Variants in DOCK3 observed in about 807,000 individuals in gnomAD.
The protein encoded by DOCK3 is dedicator of cytokinesis protein 3.
A neutral mutation model predicts 265.6 loss-of-function variants in DOCK3; 60 were observed. The observed-to-expected ratio is 0.23, with a 90% CI of 0.18 to 0.28. The LOEUF is 0.28. DOCK3 is among the 10% of genes least tolerant of loss of function. DOCK3 has a pLI of 1.00. For synonymous variants in DOCK3, 881 were observed against 938.0 expected (o/e 0.94, Z 1.11); for missense variants, 1,981 against 2,594.3 (o/e 0.76, Z 5.14).
intron 21 of DOCK3, among the ~76,000 whole-genome samples, chr3:51,239,048 A>G (rs960731818): frequency 1.3e-5 from 2 of 152,148 alleles, no homozygotes; most frequent in African/African-American, 4.8e-5. Context: ...GCTTTCCACA[A>G]TGGTTGAACT....
intron 22 of DOCK3, among the ~76,000 whole-genome samples, chr3:51,249,892 A>AAGT (rs2079103918): frequency 6.7e-6 from 1 of 148,522 alleles, no homozygotes; most frequent in South Asian, 2.2e-4. Flanking sequence ...GTGTAGAAAG[A>AAGT]AGTAGACATG....
chr3:51,195,321 T>G (rs1193165824), intron 12 of DOCK3, among the ~76,000 whole-genome samples: 1 of 152,196 alleles, frequency 6.6e-6, no homozygotes, highest in Admixed American at 6.5e-5. Context: ...TTACTGGTTG[T>G]TGTGGTTTGC....
intron 3 of DOCK3, among the ~76,000 whole-genome samples, chr3:50,885,239 G>T (rs974447901): frequency 1.3e-5 from 2 of 151,844 alleles, no homozygotes; most frequent in Non-Finnish European, 1.5e-5. Context: ...TCTTTTTATT[G>T]CTGAATCATA....
intron 9 of DOCK3, among the ~76,000 whole-genome samples, chr3:51,098,239 T>C (rs1221165497): frequency 6.6e-6 from 1 of 152,166 alleles, no homozygotes; most frequent in Non-Finnish European, 1.5e-5. Context: ...GTATTTTTAT[T>C]AGAAATGGGG....
intron 3 of DOCK3, among the ~76,000 whole-genome samples, chr3:50,855,176 G>A (rs1040967667): frequency 2.0e-5 from 3 of 152,028 alleles, no homozygotes; most frequent in African/African-American, 7.2e-5. Context: ...AATGATATTG[G>A]TAATTTGATA....
At chr3:50,788,038 C>G (rs1313226139) in intron 2 of DOCK3, 13 of 738,984 alleles carry the variant, frequency 1.8e-5, no homozygotes, top group Non-Finnish European at 2.7e-5. Flanking sequence ...CTGCTCCTGT[C>G]TCCCTGAAAT....
intron 49 of DOCK3, among the ~76,000 whole-genome samples, chr3:51,369,772 G>A (rs1205290945): frequency 6.6e-6 from 1 of 152,202 alleles, no homozygotes; most frequent in African/African-American, 2.4e-5. Flanking sequence ...ATTGTAGAGG[G>A]AAGTGGAGTA....
At chr3:51,062,203 G>T (rs1025698228) in intron 5 of DOCK3, among the ~76,000 whole-genome samples, 1 of 152,110 alleles carries the variant, frequency 6.6e-6, no homozygotes, top group African/African-American at 2.4e-5. Context: ...TCACTCTTCT[G>T]CTCCAAATCT....
chr3:50,798,176 A>G (rs2042892132), intron 2 of DOCK3, among the ~76,000 whole-genome samples: 1 of 152,236 alleles, frequency 6.6e-6, no homozygotes, highest in Non-Finnish European at 1.5e-5. Context: ...TTAGTTAACA[A>G]TGCTGGAAAA....
At chr3:51,362,718 C>T (rs2086827242) in intron 49 of DOCK3, 44 bp downstream of exon 49, 3 of 1,599,778 alleles carry the variant, frequency 1.9e-6, no homozygotes, top group Non-Finnish European at 1.7e-6. Flanking sequence ...GAAGAGAGGT[C>T]TTCATCAACG....
chr3:51,282,937 A>C (rs1310725364), intron 27 of DOCK3, among the ~76,000 whole-genome samples: 9 of 152,202 alleles, frequency 5.9e-5, no homozygotes, highest in Admixed American at 2.6e-4. Flanking sequence ...AAAAATCTCC[A>C]GCAAAATACT....
chr3:50,878,715 A>T (rs1173335501), intron 3 of DOCK3, among the ~76,000 whole-genome samples: 6 of 152,188 alleles, frequency 3.9e-5, no homozygotes, highest in African/African-American at 1.4e-4. Flanking sequence ...CAGGATATTA[A>T]CCAGGAGAAT....
At chr3:50,786,999 T>C (rs2042217812) in intron 2 of DOCK3, 1 of 742,302 alleles carries the variant, frequency 1.3e-6, no homozygotes, top group African/African-American at 1.7e-5. Flanking sequence ...ACATGAGCCA[T>C]GGCATAGAAT....
intron 1 of DOCK3, among the ~76,000 whole-genome samples, chr3:50,748,925 T>C (rs1000670812): frequency 7.2e-5 from 11 of 152,230 alleles, no homozygotes; most frequent in African/African-American, 2.7e-4. Flanking sequence ...GAACTCTGTT[T>C]AAAATGCCTT....
intron 40 of DOCK3, among the ~76,000 whole-genome samples, chr3:51,353,760 A>G (rs1255515668): frequency 6.6e-6 from 1 of 152,216 alleles, no homozygotes; most frequent in Non-Finnish European, 1.5e-5. Flanking sequence ...CTGTCCCAGG[A>G]AGCATATGGC....
At chr3:50,993,496 A>G (rs1184155841) in intron 5 of DOCK3, among the ~76,000 whole-genome samples, 3 of 152,138 alleles carry the variant, frequency 2.0e-5, no homozygotes, top group African/African-American at 7.2e-5. Flanking sequence ...TCTCTTTCAG[A>G]TTGTCTCAAG....
intron 27 of DOCK3, among the ~76,000 whole-genome samples, chr3:51,281,502 C>T (rs2109007403): frequency 6.6e-6 from 1 of 151,918 alleles, no homozygotes; most frequent in Non-Finnish European, 1.5e-5. Flanking sequence ...GAGGATTTCC[C>T]ACTCTTGCTA....
At chr3:50,772,485 G>A (rs902931150) in intron 1 of DOCK3, among the ~76,000 whole-genome samples, 5 of 152,054 alleles carry the variant, frequency 3.3e-5, no homozygotes, top group Non-Finnish European at 5.9e-5. Flanking sequence ...ATGCTTGAGG[G>A]GATGGATACT....
intron 6 of DOCK3, among the ~76,000 whole-genome samples, chr3:51,072,872 A>T (rs942049556): frequency 1.7e-4 from 24 of 138,810 alleles, no homozygotes; most frequent in African/African-American, 6.3e-4. Flanking sequence ...AACCTGGCTA[A>T]TTTTTTTTTT....
Sources: allele counts gnomAD v4.1 joint callset (sites outside exome capture counted in the v4.1 genomes callset), GRCh38; gene constraint gnomAD v4.1.1; transcripts MANE v1.5; gene names NCBI Gene and HGNC (gene_info 2026-07-23, HGNC 2026-07-21).